Variants in PHACTR2 observed in about 807,000 individuals in gnomAD.
PHACTR2 encodes the protein phosphatase and actin regulator 2.
Under a neutral mutation model 76.0 loss-of-function variants are expected in PHACTR2, and 30 were observed. The observed-to-expected ratio is 0.39, with a 90% confidence interval of 0.30 to 0.54. PHACTR2 has a LOEUF of 0.54. Ranked by LOEUF, PHACTR2 falls within the 20% of genes least tolerant of loss-of-function variation. The probability of loss-of-function intolerance (pLI) is 0.61; values close to 1 mark genes in which losing one functional copy is unlikely to be tolerated. For missense variants in PHACTR2, 696 were observed against 781.1 expected (o/e 0.89, Z 1.30); for synonymous variants, 292 against 292.5 (o/e 1.00, Z 0.02).
In PHACTR2 at chr6:143,776,290, A is replaced by G. The variant is rs1393871397; in HGVS notation, c.1590-1038A>G. ...GTGAAGAAAAGGTATAAATTGTAGG[A>G]AAGATATACTGTTATTATACATGGT... is the stretch of plus-strand genomic sequence containing the variant. On this transcript the variant is annotated intron_variant, in intron 8 of 12. Transcript: ENST00000440869. This position sits in a 1 kb window ranked among gnomAD's most constrained non-coding sequence, Gnocchi z 5.3. 1.3e-5 allele frequency among the ~76,000 whole-genome samples: 2 copies of G among 152,220 alleles called. No homozygotes were observed. The highest frequency in any genetic ancestry group is 2.9e-5 in the Non-Finnish European group (2 of 68,036).
At chr6:143,808,316 A>G (rs893195076) in intron 12 of PHACTR2, among the ~76,000 whole-genome samples, 1 of 152,002 alleles carries the variant, frequency 6.6e-6, no homozygotes, top group African/African-American at 2.4e-5. Flanking sequence ...AATAGCAGAG[A>G]CAGGGTTTCA....
At position 143,610,070 on chromosome 6, in the gene PHACTR2, C is replaced by T. The variant is rs545329504; in HGVS notation, c.13+1748C>T. 3.3e-5 allele frequency among the ~76,000 whole-genome samples: 5 copies of T among 152,120 alleles called. No homozygotes were observed. The highest frequency in any genetic ancestry group is 4.1e-4 in the South Asian group (2 of 4,824). On this transcript the variant is annotated intron_variant, in intron 1 of 11. Transcript: ENST00000305766. The surrounding 1 kb of genome is among the most constrained non-coding windows in gnomAD (Gnocchi z 4.9). ...CCATACATACCTTTGAATAGAATAA[C>T]GGGTTTTAAATCACATAATTTGAAT...
At position 143,678,124 on chromosome 6, in the gene PHACTR2, G is replaced by A; in HGVS notation, c.-40G>A. The A allele has an allele frequency of 6.5e-7, 1 of 1,545,984 alleles. No individual in the cohort carries two copies. The highest frequency in any genetic ancestry group is 2.5e-5 in the East Asian group (1 of 40,538). ...CGGACCCATGATCGAAGGACCAAAG[G>A]AGCCGCTTGATCGCTGGACCTGGCC... On this transcript the variant is annotated 5_prime_UTR_variant, in exon 1 of 13. Coordinates refer to ENST00000440869, the MANE Select transcript of PHACTR2 (RefSeq NM_001100164.2). The surrounding 1 kb of genome is among the most constrained non-coding windows in gnomAD (Gnocchi z 6.2).
chr6:143,810,137 G>A (rs1221224532), intron 12 of PHACTR2, among the ~76,000 whole-genome samples: 3 of 151,958 alleles, frequency 2.0e-5, no homozygotes, highest in Non-Finnish European at 4.4e-5. Flanking sequence ...ATATATTTGT[G>A]TATATATATA....
Position 143,791,989 on chromosome 6 carries a change from T to C in PHACTR2, c.1845+3079T>C, listed in dbSNP as rs1485240633. ...AAGCACCAGCTTGCAATTTTTTGTT[T>C]GTCCTTGGAGGGTCAGATATTCTAG... On this transcript the variant is annotated intron_variant, in intron 11 of 12. Transcript: ENST00000440869. This position sits in a 1 kb window ranked among gnomAD's most constrained non-coding sequence, Gnocchi z 4.7. Among the ~76,000 whole-genome samples the C allele has an allele frequency of 2.6e-5, 4 of 152,148 alleles. No individual in the cohort carries two copies. The highest frequency in any genetic ancestry group is 5.9e-5 in the Non-Finnish European group (4 of 68,026).
chr6:143,708,753 C>T lies in PHACTR2; in HGVS notation c.47-3263C>T, dbSNP rs2128460298. ...AGAAGTACAATGGCACATCGGCCAA[C>T]TGTGCCAACATATGGTTTCTAATTG... On this transcript the variant is annotated intron_variant, in intron 1 of 12. Coordinates refer to ENST00000440869, the MANE Select transcript of PHACTR2 (RefSeq NM_001100164.2). This position sits in a 1 kb window ranked among gnomAD's most constrained non-coding sequence, Gnocchi z 5.5. Among the ~76,000 whole-genome samples, 1 of 152,320 alleles carries T rather than the reference C, an allele frequency of 6.6e-6. No homozygotes were observed. The highest frequency in any genetic ancestry group is 2.1e-4 in the South Asian group (1 of 4,826).
At chr6:143,690,157 C>T (rs1164541357) in intron 1 of PHACTR2, among the ~76,000 whole-genome samples, 1 of 152,230 alleles carries the variant, frequency 6.6e-6, no homozygotes, top group Non-Finnish European at 1.5e-5. Flanking sequence ...AAGTGTCCTA[C>T]ATACCATCCC....
chr6:143,615,754 A>G (rs766649430), intron 1 of PHACTR2, among the ~76,000 whole-genome samples: 2 of 152,204 alleles, frequency 1.3e-5, no homozygotes, highest in Non-Finnish European at 2.9e-5. Flanking sequence ...TTTCTGGAAT[A>G]TGAAAGAATT....
intron 5 of PHACTR2, among the ~76,000 whole-genome samples, chr6:143,763,874 C>T (rs1158329433): frequency 6.6e-6 from 1 of 152,144 alleles, no homozygotes; most frequent in Non-Finnish European, 1.5e-5. Context: ...GTTTTCTAAT[C>T]GTTCTGTGAA....
chr6:143,777,461 A>G lies in PHACTR2; in HGVS notation c.1645+78A>G. 1.5e-6 allele frequency: 1 copy of G among 652,600 alleles called. No individual in the cohort carries two copies. The highest frequency in any genetic ancestry group is 3.0e-5 in the Admixed American group (1 of 33,820). 40.4% of individuals were successfully genotyped at this position (652,600 alleles called of 1,614,324 possible). A position where few individuals can be genotyped will look rare whatever the true frequency, so the allele number is the denominator to read the frequency against. On this transcript the variant is annotated intron_variant, in intron 9 of 12. Transcript: ENST00000440869. This position sits in a 1 kb window ranked among gnomAD's most constrained non-coding sequence, Gnocchi z 4.6. ...CTCTACAGATGATCGATTTATCAGTAAGAAACCATCATATATTCATTTACT... is the reference window on the plus strand; with the variant it reads ...CTCTACAGATGATCGATTTATCAGTGAGAAACCATCATATATTCATTTACT...
rs1776670602 is a variant in PHACTR2 at position 143,646,996 on chromosome 6, T to G, written c.13+38674T>G. Among the ~76,000 whole-genome samples the G allele has an allele frequency of 6.6e-6, 1 of 152,240 alleles. No homozygotes were observed. The highest frequency in any genetic ancestry group is 6.5e-5 in the Admixed American group (1 of 15,290). ...GCTTCTAAAGAATTTTAAAATGTAT[T>G]TTTAGCAAGGCTCTAAAGATTAAGT... On this transcript the variant is annotated intron_variant, in intron 1 of 11. Transcript: ENST00000305766. The surrounding 1 kb of genome is among the most constrained non-coding windows in gnomAD (Gnocchi z 4.1).
At chr6:143,567,891 G>A (rs7754452) in intron 1 of PHACTR2, among the ~76,000 whole-genome samples, 92,724 of 151,506 alleles carry the variant, frequency 0.61, 28,674 homozygotes, top group Middle Eastern at 0.72. Context: ...AAAAACAGAA[G>A]CAATTGAAGC....
intron 1 of PHACTR2, among the ~76,000 whole-genome samples, chr6:143,649,062 C>G (rs1776710986): frequency 6.6e-6 from 1 of 152,018 alleles, no homozygotes; most frequent in South Asian, 2.1e-4. Context: ...ACTCAAAATG[C>G]TTCTGTGGAA....
chr6:143,566,873 A>T (rs13211390), intron 1 of PHACTR2, among the ~76,000 whole-genome samples: 91,288 of 151,272 alleles, frequency 0.6, 27,928 homozygotes, highest in Middle Eastern at 0.72. Flanking sequence ...ACTAAAAAAA[A>T]TTTAACATTA....
In PHACTR2 at chr6:143,680,781, C is replaced by T. The variant is rs1777374164; in HGVS notation, c.46+2572C>T. Among the ~76,000 whole-genome samples, 1 of 148,146 alleles carries T rather than the reference C, an allele frequency of 6.8e-6. No individual in the cohort carries two copies. The highest frequency in any genetic ancestry group is 1.5e-5 in the Non-Finnish European group (1 of 67,022). ...CACCCTATTCAACCAGTGGGCTCTA[C>T]CTTAATGAAACACTAATCAACTTTT... On this transcript the variant is annotated intron_variant, in intron 1 of 12. Coordinates refer to ENST00000440869, the MANE Select transcript of PHACTR2 (RefSeq NM_001100164.2). The surrounding 1 kb of genome is among the most constrained non-coding windows in gnomAD (Gnocchi z 4.5).
chr6:143,542,605 C>A (rs1195527516), intron 1 of PHACTR2, among the ~76,000 whole-genome samples: 1 of 152,182 alleles, frequency 6.6e-6, no homozygotes, highest in African/African-American at 2.4e-5. Flanking sequence ...AACAGATTAT[C>A]TCTCCTTCAT....
intron 1 of PHACTR2, among the ~76,000 whole-genome samples, chr6:143,609,890 G>A (rs1775949806): frequency 6.6e-6 from 1 of 152,098 alleles, no homozygotes; most frequent in Non-Finnish European, 1.5e-5. Context: ...GAGCTTTGGG[G>A]GATGTTTTCA....
rs1554287823 is a variant in PHACTR2 at position 143,564,181 on chromosome 6, G to GTGTA, written c.217+26975_217+26976insGTAT. ...TGTGTGTGTGCATATATGTGTGTGT[G>GTGTA]TATGTGTGTGTGTGCATATATATAT... On this transcript the variant is annotated intron_variant, in intron 1 of 11. Transcript: ENST00000367584. 6.2e-4 allele frequency among the ~76,000 whole-genome samples: 35 copies of GTGTA among 56,242 alleles called. 1 individual carries two copies. Among genetic ancestry groups the GTGTA allele is most frequent in the Non-Finnish European group, 7.7e-4 (21 of 27,262 alleles). 36.9% of individuals were successfully genotyped at this position (56,242 alleles called of 152,430 possible).
rs957071735 is a variant in PHACTR2, at chr6:143,624,101, G to GT, written c.13+15787dup. On this transcript the variant is annotated intron_variant, in intron 1 of 11. Coordinates refer to the PHACTR2 transcript ENST00000305766. The surrounding 1 kb of genome is among the most constrained non-coding windows in gnomAD (Gnocchi z 4.6). ...TGAAATCTTGTTAATTTTTTTTGTTGTTTTTTTTGTTTGTTTGTTTGTTTT... is the reference window on the plus strand; with the variant it reads ...TGAAATCTTGTTAATTTTTTTTGTTGTTTTTTTTTGTTTGTTTGTTTGTTTT... Among the ~76,000 whole-genome samples, 15 of 148,744 alleles carry GT rather than the reference G, an allele frequency of 1.0e-4. No individual in the cohort carries two copies. Among genetic ancestry groups the GT allele is most frequent in the South Asian group, 2.2e-4 (1 of 4,604 alleles).
Sources: allele counts gnomAD v4.1 joint callset (sites outside exome capture counted in the v4.1 genomes callset), GRCh38; gene constraint gnomAD v4.1.1; non-coding constraint Gnocchi (gnomAD v3.1); transcripts MANE v1.5; gene names NCBI Gene and HGNC (gene_info 2026-07-23, HGNC 2026-07-21).